Variants in SDC2 observed in about 807,000 individuals in gnomAD.
SDC2 encodes syndecan-2.
A neutral mutation model predicts 22.2 loss-of-function variants in SDC2; 13 were observed. The observed-to-expected ratio is 0.59, with a 90% confidence interval of 0.38 to 0.93. SDC2 has a LOEUF of 0.93. Among genes scored for constraint, SDC2 ranks in the 40% least tolerant of loss-of-function variants. The pLI is 0.00. For synonymous variants in SDC2, 94 were observed against 92.8 expected (o/e 1.01, Z -0.07); for missense variants, 235 against 246.8 (o/e 0.95, Z 0.32).
chr8:96,537,749 G>T (rs1391845888), intron 1 of SDC2, among the ~76,000 whole-genome samples: 1 of 152,134 alleles, frequency 6.6e-6, no homozygotes, highest in Non-Finnish European at 1.5e-5. Context: ...GGATAACTTA[G>T]ATTTTAAAAG....
intron 1 of SDC2, among the ~76,000 whole-genome samples, chr8:96,561,211 C>A (rs1297580081): frequency 1.3e-5 from 2 of 152,108 alleles, no homozygotes; most frequent in African/African-American, 4.8e-5. Context: ...CCAATCAGCC[C>A]AAGGTATGTT....
intron 1 of SDC2, among the ~76,000 whole-genome samples, chr8:96,542,159 C>T (rs1188201881): frequency 6.6e-6 from 1 of 152,188 alleles, no homozygotes; most frequent in Non-Finnish European, 1.5e-5. Flanking sequence ...ACTGCTGCAT[C>T]CCAAAGCCAA....
chr8:96,525,555 T>C (rs1359672064), intron 1 of SDC2, among the ~76,000 whole-genome samples: 1 of 152,152 alleles, frequency 6.6e-6, no homozygotes, highest in Non-Finnish European at 1.5e-5. Flanking sequence ...ATTCCTCCAG[T>C]GTTTGCCATC....
Position 96,494,115 on chromosome 8 carries a change from C to CCCCCGAG in SDC2, c.-146_-140dup, listed in dbSNP as rs930458718. On this transcript the variant is annotated 5_prime_UTR_variant, in exon 1 of 5. Coordinates refer to ENST00000302190, the MANE Select transcript of SDC2 (RefSeq NM_002998.4). Reference sequence around the variant, plus strand: ...CAGGCGCAGGAGGAGGAAGCGAGCGCCCCCGAGCCCCGAGCCCGAGTCCCC... The same window carrying CCCCCGAG: ...CAGGCGCAGGAGGAGGAAGCGAGCGCCCCCGAGCCCCGAGCCCCGAGCCCGAGTCCCC... The CCCCCGAG allele has an allele frequency of 2.1e-5, 14 of 675,656 alleles. No individual in the cohort carries two copies. The highest frequency in any genetic ancestry group is 3.9e-5 in the African/African-American group (2 of 51,706). 41.9% of individuals were successfully genotyped at this position (675,656 alleles called of 1,614,324 possible).
chr8:96,517,977 C>T (rs898314823), intron 1 of SDC2, among the ~76,000 whole-genome samples: 3 of 152,076 alleles, frequency 2.0e-5, no homozygotes, highest in African/African-American at 7.2e-5. Context: ...TACAAAGAGC[C>T]GCAGAACGAT....
chr8:96,506,006 C>G (rs1257707064), intron 1 of SDC2, among the ~76,000 whole-genome samples: 1 of 152,124 alleles, frequency 6.6e-6, no homozygotes, highest in Non-Finnish European at 1.5e-5. Context: ...GGCATTTGTA[C>G]AATCAAAATT....
chr8:96,532,435 T>TC (rs1427035149), intron 1 of SDC2, among the ~76,000 whole-genome samples: 1 of 140,468 alleles, frequency 7.1e-6, no homozygotes, highest in East Asian at 2.1e-4. Flanking sequence ...TTTTTTTTTT[T>TC]GGTAGGGCTT....
intron 2 of SDC2, among the ~76,000 whole-genome samples, chr8:96,597,463 T>C (rs1411353054): frequency 6.6e-6 from 1 of 152,228 alleles, no homozygotes; most frequent in Non-Finnish European, 1.5e-5. Flanking sequence ...TCTAGTCCTC[T>C]TTTCGGTGTT....
intron 1 of SDC2, among the ~76,000 whole-genome samples, chr8:96,553,850 G>GC (rs2130544190): frequency 6.6e-6 from 1 of 152,092 alleles, no homozygotes; most frequent in African/African-American, 2.4e-5. Context: ...TCGGCTCACT[G>GC]CAGCCTTTAC....
intron 1 of SDC2, among the ~76,000 whole-genome samples, chr8:96,568,833 G>A (rs1397560808): frequency 3.9e-5 from 6 of 152,148 alleles, no homozygotes; most frequent in Non-Finnish European, 2.9e-5. Context: ...AGGTAAATGG[G>A]GAACTGTTCA....
intron 1 of SDC2, among the ~76,000 whole-genome samples, chr8:96,537,613 TAAAAG>T (rs1813774634): frequency 6.6e-6 from 1 of 152,238 alleles, no homozygotes. Flanking sequence ...TCAGAGAAGT[TAAAAG>T]AAATTAATAA....
At chr8:96,592,745 G>A (rs1406325771) in intron 1 of SDC2, among the ~76,000 whole-genome samples, 2 of 152,216 alleles carry the variant, frequency 1.3e-5, no homozygotes, top group Non-Finnish European at 2.9e-5. Context: ...CCAGTTGCCA[G>A]TAATAGAAAA....
At chr8:96,532,047 C>G (rs966001158) in intron 1 of SDC2, among the ~76,000 whole-genome samples, 3 of 152,090 alleles carry the variant, frequency 2.0e-5, no homozygotes, top group Non-Finnish European at 4.4e-5. Context: ...TCTATAATCT[C>G]TTTTTTTGCC....
intron 1 of SDC2, among the ~76,000 whole-genome samples, chr8:96,575,057 AGGT>A (rs1277950793): frequency 6.6e-6 from 1 of 152,202 alleles, no homozygotes; most frequent in Non-Finnish European, 1.5e-5. Context: ...GGCGGAGCTC[AGGT>A]GGTAATGCTC....
intron 1 of SDC2, among the ~76,000 whole-genome samples, chr8:96,530,809 G>T (rs537558408): frequency 6.6e-6 from 1 of 152,258 alleles, no homozygotes; most frequent in East Asian, 1.9e-4. Context: ...GCAGTTTATA[G>T]AACCACATAA....
chr8:96,580,446 G>T, intron 1 of SDC2: 1 of 985,390 alleles, frequency 1.0e-6, no homozygotes, highest in African/African-American at 1.7e-5. Context: ...GCTGTTGCTT[G>T]TTGCCACTGA....
chr8:96,576,416 CT>C (rs71267268), intron 1 of SDC2, among the ~76,000 whole-genome samples: 8 of 13,814 alleles, frequency 5.8e-4, no homozygotes, highest in South Asian at 5.8e-3. Context: ...TTATTATTCT[CT>C]TTTTTTTTTT....
At chr8:96,505,659 C>G (rs962370259) in intron 1 of SDC2, among the ~76,000 whole-genome samples, 23 of 152,258 alleles carry the variant, frequency 1.5e-4, no homozygotes, top group African/African-American at 5.3e-4. Flanking sequence ...AAAATCTTAA[C>G]TTTATTTATG....
intron 1 of SDC2, among the ~76,000 whole-genome samples, chr8:96,508,501 GAAAA>G (rs1288021797): frequency 2.1e-5 from 2 of 94,188 alleles, no homozygotes; most frequent in African/African-American, 6.5e-5. Flanking sequence ...TCAAAAAAAA[GAAAA>G]AAAAAGATTA....
Sources: allele counts gnomAD v4.1 joint callset (sites outside exome capture counted in the v4.1 genomes callset), GRCh38; gene constraint gnomAD v4.1.1; transcripts MANE v1.5; gene names NCBI Gene and HGNC (gene_info 2026-07-23, HGNC 2026-07-21).